ITGA6: variants seen among roughly 807,000 people sequenced by gnomAD.
ITGA6 encodes the protein integrin subunit alpha 6.
In ITGA6, 63 loss-of-function variants were observed where a neutral mutation model predicts 133.6. The observed-to-expected ratio is 0.47, with a 90% CI of 0.38 to 0.58. ITGA6 has a LOEUF of 0.58. Ranked by LOEUF, ITGA6 falls within the 20% of genes least tolerant of loss-of-function variation. The pLI is 0.00. For missense variants in ITGA6, 1,068 were observed against 1,309.4 expected, an observed-to-expected ratio of 0.82 and a Z score of 2.85; for synonymous variants, 434 against 482.0, an observed-to-expected ratio of 0.90 and a Z score of 1.30.
Position 172,498,035 on chromosome 2 carries a change from A to C in ITGA6, c.3049A>C (p.Ile1017Leu). 6.2e-6 allele frequency: 10 copies of C among 1,613,628 alleles called. No homozygotes were observed. The highest frequency in any genetic ancestry group is 8.5e-6 in the Non-Finnish European group (10 of 1,179,594). The stretch of plus-strand genomic sequence containing the variant: ...TCAGTATTCGGGAGTACCTTGGTGG[A>C]TCATCCTAGTGGCTATTCTCGCTGG... ...VAQYSGVPWW[I>L]ILVAILAGIL... Residue 1017 changes from isoleucine to leucine, a missense_variant, in exon 24 of 26, where the codon ATC becomes CTC. Physicochemically the swap from Ile to Leu is conservative, Grantham distance 5. This residue lies in a region of ITGA6 where 609 missense variants were observed against 707.2 expected (regional missense o/e 0.86). Coordinates refer to ENST00000684293, the MANE Select transcript of ITGA6 (RefSeq NM_000210.4).
chr2:172,464,314 A>G (rs1034353442), intron 1 of ITGA6: 9 of 151,964 alleles, frequency 5.9e-5, no homozygotes, highest in African/African-American at 2.2e-4. Context: ...GGTAATAGAG[A>G]CTATTTGGTT....
At chr2:172,446,280 A>C (rs1684764712) in intron 1 of ITGA6, among the ~76,000 whole-genome samples, 3 of 152,204 alleles carry the variant, frequency 2.0e-5, no homozygotes. Context: ...TTTTTTATTT[A>C]AAATATTTTA....
intron 1 of ITGA6, among the ~76,000 whole-genome samples, chr2:172,457,562 A>G (rs1685261575): frequency 6.6e-6 from 1 of 152,230 alleles, no homozygotes; most frequent in South Asian, 2.1e-4. Flanking sequence ...GTTTGTATAA[A>G]TTTAAACGAT....
rs1663437320 is a variant in ITGA6 at position 172,474,277 on chromosome 2, T to C, written c.986+12T>C. On this transcript the variant is annotated intron_variant, in intron 6 of 25. Transcript: ENST00000684293. ...CTCAACAAGGATGGGTGAGAAAGCC[T>C]CAGGTTATATTATGCTGCAAATCAT... The C allele has an allele frequency of 9.9e-6, 16 of 1,608,082 alleles. No homozygotes were observed. The highest frequency in any genetic ancestry group is 1.3e-5 in the Non-Finnish European group (15 of 1,174,732).
At chr2:172,432,719 C>T (rs1307548681) in intron 1 of ITGA6, among the ~76,000 whole-genome samples, 3 of 152,210 alleles carry the variant, frequency 2.0e-5, no homozygotes, top group Non-Finnish European at 2.9e-5. Flanking sequence ...GGCTTTTGCC[C>T]TAAAGGCAGA....
Position 172,498,013 on chromosome 2 carries a change from G to T in ITGA6, c.3027G>T (p.Gln1009His). 6.2e-7 allele frequency: 1 copy of T among 1,613,874 alleles called. No individual in the cohort carries two copies. Among genetic ancestry groups the T allele is most frequent in the Non-Finnish European group, 8.5e-7 (1 of 1,179,812 alleles). ...TGTTTCCCTCAAAGACTGTAGCTCAGTATTCGGGAGTACCTTGGTGGATCA... is the reference window on the plus strand; with the variant it reads ...TGTTTCCCTCAAAGACTGTAGCTCATTATTCGGGAGTACCTTGGTGGATCA... ...VTVFPSKTVA[Q>H]YSGVPWWIIL... The change falls in exon 24 of 26, where the codon CAG becomes CAT. Residue 1009 changes from glutamine (Q) to histidine (H), a missense_variant. Gln to His is a conservative substitution (Grantham distance 24, BLOSUM62 0). Around this residue, in one of 3 missense-constraint regions of ITGA6, gnomAD observed 609 missense variants for 707.2 expected, o/e 0.86. Transcript: ENST00000684293.
intron 1 of ITGA6, among the ~76,000 whole-genome samples, chr2:172,441,144 C>G (rs748717221): frequency 6.6e-6 from 1 of 152,196 alleles, no homozygotes; most frequent in African/African-American, 2.4e-5. Context: ...CTCCGTTGCT[C>G]TCATCCTGTT....
intron 25 of ITGA6, among the ~76,000 whole-genome samples, chr2:172,502,771 T>C (rs1687398298): frequency 6.6e-6 from 1 of 152,242 alleles, no homozygotes; most frequent in Non-Finnish European, 1.5e-5. Flanking sequence ...AAATAGGAAT[T>C]GCTAGTGATC....
Position 172,475,134 on chromosome 2 carries a change from A to G in ITGA6, c.1180+12A>G. ...AGATGGCTACCCAGGTAGATAATAG[A>G]TTATGAAATGGCTATGATTTATAGA... On this transcript the variant is annotated intron_variant, in intron 7 of 25. Transcript: ENST00000684293. 1 of 1,402,070 alleles carries G rather than the reference A, an allele frequency of 7.1e-7. No homozygotes were observed. Among genetic ancestry groups the G allele is most frequent in the Non-Finnish European group, 1.0e-6 (1 of 986,740 alleles). The allele number at this position is 1,402,070 out of a possible 1,614,324, so 86.9% of individuals were successfully genotyped here.
intron 3 of ITGA6, 88 bp downstream of exon 3, chr2:172,467,648 C>A: frequency 9.7e-7 from 1 of 1,034,422 alleles, no homozygotes; most frequent in Non-Finnish European, 1.5e-6. Context: ...CAGCAGGGAG[C>A]ATACATTCTA....
chr2:172,467,617 C>T, intron 3 of ITGA6, 57 bp downstream of exon 3: 1 of 1,368,276 alleles, frequency 7.3e-7, no homozygotes, highest in Non-Finnish European at 1.0e-6. Flanking sequence ...TATGTGCCAG[C>T]ACCAGGCTTA....
In ITGA6 at chr2:172,491,659, C is replaced by T. The variant is rs1686934794; in HGVS notation, c.2988+136C>T. 17 of 703,662 alleles carry T rather than the reference C, an allele frequency of 2.4e-5. No homozygotes were observed. Among genetic ancestry groups the T allele is most frequent in the Non-Finnish European group, 4.1e-5 (16 of 387,380 alleles). 43.6% of individuals were successfully genotyped at this position (703,662 alleles called of 1,614,324 possible). On this transcript the variant is annotated intron_variant, in intron 23 of 25. Coordinates refer to ENST00000684293, the MANE Select transcript of ITGA6 (RefSeq NM_000210.4). The surrounding 1 kb of genome is among the most constrained non-coding windows in gnomAD (Gnocchi z 4.4). ...TTACGGAGAAAACTGTCTTAAGGTA[C>T]TGGCACTGCAAGCTGTATTTTAATA... is the stretch of plus-strand genomic sequence containing the variant.
At chr2:172,480,608 C>T (rs1184290135) in intron 11 of ITGA6, among the ~76,000 whole-genome samples, 3 of 152,128 alleles carry the variant, frequency 2.0e-5, no homozygotes, top group Non-Finnish European at 4.4e-5. Context: ...CTGGTTTCAG[C>T]TTTGATACTG....
At chr2:172,485,340 A>C in intron 13 of ITGA6, 76 bp downstream of exon 13, 1 of 1,283,540 alleles carries the variant, frequency 7.8e-7, no homozygotes, top group South Asian at 1.2e-5. Context: ...TTTGAAGGGA[A>C]TAGAACTAGT....
At chr2:172,446,664 A>G (rs116280493) in intron 1 of ITGA6, among the ~76,000 whole-genome samples, 1 of 152,212 alleles carries the variant, frequency 6.6e-6, no homozygotes, top group Non-Finnish European at 1.5e-5. Context: ...TTGGCAACTG[A>G]TAAGTCGGGT....
chr2:172,488,910 T>A (rs1476451543), intron 19 of ITGA6, among the ~76,000 whole-genome samples: 2 of 152,056 alleles, frequency 1.3e-5, no homozygotes, highest in Admixed American at 1.3e-4. Flanking sequence ...GGAAAAGAAG[T>A]CTTTGGGTTC....
At chr2:172,430,890 G>A (rs1319784328) in intron 1 of ITGA6, among the ~76,000 whole-genome samples, 1 of 152,180 alleles carries the variant, frequency 6.6e-6, no homozygotes, top group East Asian at 1.9e-4. Context: ...CCCAGAGGTG[G>A]AAGGTATGTG....
At chr2:172,452,859 G>T (rs1376816547) in intron 1 of ITGA6, among the ~76,000 whole-genome samples, 2 of 152,180 alleles carry the variant, frequency 1.3e-5, no homozygotes, top group African/African-American at 2.4e-5. Context: ...ATGTGGTGTG[G>T]GTATTTGGAG....
intron 1 of ITGA6, among the ~76,000 whole-genome samples, chr2:172,446,264 T>G (rs528073476): frequency 6.6e-6 from 1 of 152,256 alleles, no homozygotes; most frequent in Non-Finnish European, 1.5e-5. Flanking sequence ...ATCTTTTCTC[T>G]TCTTGTTTTT....
Sources: gnomAD v4.1 joint callset for allele counts (sites outside exome capture counted in the v4.1 genomes callset) on GRCh38, gnomAD v4.1.1 for gene constraint, gnomAD v4.1.1 regional missense constraint, Gnocchi (gnomAD v3.1) non-coding constraint, MANE v1.5 for transcripts, NCBI Gene and HGNC (gene_info 2026-07-23, HGNC 2026-07-21) for gene names.